VPS45: variants seen among roughly 807,000 people sequenced by gnomAD.
VPS45 encodes vacuolar protein sorting 45 homolog.
Under a neutral mutation model 75.9 loss-of-function variants are expected in VPS45, and 35 were observed. The observed-to-expected ratio is 0.46, with a 90% confidence interval of 0.35 to 0.61. The LOEUF (loss-of-function observed/expected upper bound fraction) is 0.61, where lower values mean the gene tolerates loss of function less well. VPS45 is among the 20% of genes least tolerant of loss of function. The probability of loss-of-function intolerance (pLI) is 0.00; values close to 1 mark genes in which losing one functional copy is unlikely to be tolerated. For missense variants in VPS45, 559 were observed against 685.9 expected (o/e 0.81, Z 2.07); for synonymous variants, 220 against 238.2 (o/e 0.92, Z 0.70).
intron 10 of VPS45, among the ~76,000 whole-genome samples, chr1:150,087,264 T>G (rs1656067255): frequency 6.6e-6 from 1 of 152,222 alleles, no homozygotes; most frequent in African/African-American, 2.4e-5. Flanking sequence ...GCTTTTCCTA[T>G]TCCTTGATTA....
intron 13 of VPS45, among the ~76,000 whole-genome samples, chr1:150,103,286 A>G (rs1657139981): frequency 6.6e-6 from 1 of 152,190 alleles, no homozygotes. Flanking sequence ...GTGTTTTACC[A>G]TTGGCCTCAT....
At chr1:150,093,059 G>A (rs1292703219) in intron 12 of VPS45, among the ~76,000 whole-genome samples, 3 of 151,804 alleles carry the variant, frequency 2.0e-5, no homozygotes, top group African/African-American at 4.8e-5. Flanking sequence ...TGTTAGCCAG[G>A]ATGGTCTCGA....
Position 150,138,367 on chromosome 1 carries a change from C to A in VPS45, c.1626-6342C>A, listed in dbSNP as rs2101659965. 3.3e-5 allele frequency among the ~76,000 whole-genome samples: 5 copies of A among 152,304 alleles called. 1 individual carries two copies. In the Middle Eastern group the frequency reaches 0.014, roughly 414 times the overall value. On this transcript the variant is annotated intron_variant, in intron 14 of 14. Coordinates refer to ENST00000644510, the MANE Select transcript of VPS45 (RefSeq NM_007259.5). Reference sequence around the variant, plus strand: ...CTATACTGTCTTGGTCGTCCTACCTCACTGGCCATTCCTTCTCTGTCTCAT... The same window carrying A: ...CTATACTGTCTTGGTCGTCCTACCTAACTGGCCATTCCTTCTCTGTCTCAT...
At chr1:150,127,421 C>T (rs1658574873) in intron 14 of VPS45, among the ~76,000 whole-genome samples, 1 of 151,916 alleles carries the variant, frequency 6.6e-6, no homozygotes, top group Admixed American at 6.6e-5. Flanking sequence ...TCAAGCAGTC[C>T]TACCACTTCA....
At chr1:150,141,787 T>C (rs781861592) in intron 14 of VPS45, among the ~76,000 whole-genome samples, 1 of 152,196 alleles carries the variant, frequency 6.6e-6, no homozygotes, top group Non-Finnish European at 1.5e-5. Context: ...AAGGTAGGAA[T>C]CATAACTAAG....
intron 14 of VPS45, among the ~76,000 whole-genome samples, chr1:150,132,570 A>G (rs1421956428): frequency 1.3e-5 from 2 of 152,218 alleles, no homozygotes; most frequent in African/African-American, 4.8e-5. Flanking sequence ...CCTTCCCCAA[A>G]TAAATGATGC....
chr1:150,140,580 G>T (rs587653962), intron 14 of VPS45, among the ~76,000 whole-genome samples: 356 of 151,248 alleles, frequency 2.4e-3, no homozygotes, highest in Non-Finnish European at 4.3e-3. Context: ...GAGCAGAGGG[G>T]TTTTTTTTTA....
chr1:150,139,717 C>G (rs868942873), intron 14 of VPS45, among the ~76,000 whole-genome samples: 2 of 152,114 alleles, frequency 1.3e-5, no homozygotes, highest in Middle Eastern at 3.4e-3. Context: ...CAATGCTTGG[C>G]TAATTTTTAA....
At chr1:150,098,728 T>A (rs1044237040) in intron 13 of VPS45, 20 of 405,728 alleles carry the variant, frequency 4.9e-5, no homozygotes, top group Non-Finnish European at 6.7e-5. Flanking sequence ...AGCCCTTAGC[T>A]GTTAAATTAG....
At chr1:150,121,170 C>G (rs973267638) in intron 14 of VPS45, among the ~76,000 whole-genome samples, 1 of 152,128 alleles carries the variant, frequency 6.6e-6, no homozygotes, top group Non-Finnish European at 1.5e-5. Context: ...TAGCAACATT[C>G]TTAATAAAAT....
chr1:150,122,851 T>C (rs1553809927), intron 14 of VPS45, among the ~76,000 whole-genome samples: 1 of 151,770 alleles, frequency 6.6e-6, no homozygotes, highest in Non-Finnish European at 1.5e-5. Flanking sequence ...ATACAAAAAT[T>C]AGCCAGGCAT....
At chr1:150,112,771 CAG>C (rs1657714784) in intron 14 of VPS45, among the ~76,000 whole-genome samples, 1 of 152,176 alleles carries the variant, frequency 6.6e-6, no homozygotes, top group South Asian at 2.1e-4. Flanking sequence ...GGTTGTAAAT[CAG>C]GGGTTCCCAT....
At chr1:150,099,228 G>A (rs1477990224) in intron 13 of VPS45, 7 of 311,248 alleles carry the variant, frequency 2.2e-5, no homozygotes, top group Non-Finnish European at 3.3e-5. Context: ...TGGGCAATGT[G>A]TCTCATGCTT....
rs76081904 is a variant in VPS45, at chr1:150,068,969, T to C, written c.228+205T>C. The C allele has an allele frequency of 3.7e-3, 1,996 of 540,680 alleles. 16 individuals carry two copies. Among genetic ancestry groups the C allele is most frequent in the Middle Eastern group, 0.022 (47 of 2,096 alleles). The allele number at this position is 540,680 out of a possible 1,614,324, so 33.5% of individuals were successfully genotyped here. On this transcript the variant is annotated intron_variant, in intron 2 of 14. Coordinates refer to ENST00000644510, the MANE Select transcript of VPS45 (RefSeq NM_007259.5). ...ACAGCCAGTTCTTCCTTCAAGATGT[T>C]TTTTAGGTTCACAGCCATTCCCATT...
rs587693217 is a variant in VPS45, at chr1:150,091,986, C to T, written c.1154C>T (p.Ala385Val). Residue 385 changes from alanine to valine, a missense_variant, in exon 11 of 15, where the codon GCC (alanine) becomes GTC (valine). Physicochemically the swap from Ala to Val is moderately conservative, Grantham distance 64 (BLOSUM62 0). Coordinates refer to ENST00000644510, the MANE Select transcript of VPS45 (RefSeq NM_007259.5). ...QNPKVTEFDA[A>V]RLVMLYALHY... ...CCCAAAGTGACAGAGTTTGATGCTG[C>T]CCGCCTGGTGATGCTTTATGCTTTA... is the stretch of plus-strand genomic sequence containing the variant. 5.6e-5 allele frequency: 91 copies of T among 1,614,032 alleles called. 1 individual carries two copies. The South Asian group carries it at 9.7e-4, about 17-fold the overall frequency.
At chr1:150,074,282 C>T (rs1655246639) in intron 3 of VPS45, among the ~76,000 whole-genome samples, 1 of 151,844 alleles carries the variant, frequency 6.6e-6, no homozygotes, top group Non-Finnish European at 1.5e-5. Flanking sequence ...TTCAGCCTCC[C>T]GAAGTACTGG....
chr1:150,069,752 G>A (rs901468854), intron 2 of VPS45, among the ~76,000 whole-genome samples: 6 of 152,068 alleles, frequency 3.9e-5, no homozygotes, highest in Non-Finnish European at 7.4e-5. Flanking sequence ...CACCGTGCCC[G>A]GCTGTTATAC....
Position 150,077,763 on chromosome 1 carries a change from C to A in VPS45, c.671C>A (p.Thr224Asn), listed in dbSNP as rs879255237. 1 of 1,613,536 alleles carries A rather than the reference C, an allele frequency of 6.2e-7. No individual in the cohort carries two copies. The highest frequency in any genetic ancestry group is 1.3e-5 in the African/African-American group (1 of 75,032). Residue 224 changes from threonine to asparagine, a missense_variant, in exon 7 of 15, where the codon ACC (threonine) becomes AAC (asparagine). Coordinates refer to ENST00000644510, the MANE Select transcript of VPS45 (RefSeq NM_007259.5). ...LILDRCDDAI[T>N]PLLNQWTYQA... ...TTAGATCGCTGTGATGATGCCATCA[C>A]CCCATTGCTAAACCAGGTACAAAAC...
Position 150,077,192 on chromosome 1 carries a change from C to G in VPS45, c.537C>G (p.Leu179=), listed in dbSNP as rs782397315. The change falls in exon 6 of 15, where the codon CTC becomes CTG. Residue 179 remains leucine (L), a synonymous_variant. Coordinates refer to ENST00000644510, the MANE Select transcript of VPS45 (RefSeq NM_007259.5). ...AGTGTCCCATGATTCGTTATCAGCTCTCATCAGAGGCAGCAAAGAGACTTG... is the reference window on the plus strand; with the variant it reads ...AGTGTCCCATGATTCGTTATCAGCTGTCATCAGAGGCAGCAAAGAGACTTG... ...LKKCPMIRYQ[L]SSEAAKRLAE... 2 of 1,614,074 alleles carry G rather than the reference C, an allele frequency of 1.2e-6. No homozygotes were observed. The highest frequency in any genetic ancestry group is 2.2e-5 in the South Asian group (2 of 91,072).
Sources: gnomAD v4.1 joint callset for allele counts (sites outside exome capture counted in the v4.1 genomes callset) on GRCh38, gnomAD v4.1.1 for gene constraint, MANE v1.5 for transcripts, NCBI Gene and HGNC (gene_info 2026-07-23, HGNC 2026-07-21) for gene names.